The following SLC39A8 variants were observed in gnomAD, a reference collection of about 807,000 sequenced individuals.
The protein encoded by SLC39A8 is solute carrier family 39 member 8, also known as metal cation symporter ZIP8.
A neutral mutation model predicts 40.4 loss-of-function variants in SLC39A8; 15 were observed. That is an observed-to-expected ratio of 0.37 (90% CI 0.25 to 0.57). The LOEUF is 0.57. Ranked by LOEUF, SLC39A8 falls within the 20% of genes least tolerant of loss-of-function variation. SLC39A8 has a pLI of 0.75. For synonymous variants in SLC39A8, 223 were observed against 221.6 expected (o/e 1.01, Z -0.06); for missense variants, 472 against 558.8 (o/e 0.84, Z 1.57).
At position 102,344,733 on chromosome 4, in the gene SLC39A8, C is replaced by T; in HGVS notation, c.-71G>A. The T allele has an allele frequency of 7.3e-7, 1 of 1,366,530 alleles. No homozygotes were observed. Among genetic ancestry groups the T allele is most frequent in the South Asian group, 1.7e-5 (1 of 57,772 alleles). The allele number at this position is 1,366,530 out of a possible 1,614,324, so 84.7% of individuals were successfully genotyped here. On this transcript the variant is annotated 5_prime_UTR_variant, in exon 2 of 9. Coordinates refer to ENST00000356736, the MANE Select transcript of SLC39A8 (RefSeq NM_001135146.2). Reference sequence around the variant, plus strand: ...AGAGGGACGCGCGCGGGCGCACTGGCGTCCTTGCCCAAGGGCGGGAGCGTC... The same window carrying T: ...AGAGGGACGCGCGCGGGCGCACTGGTGTCCTTGCCCAAGGGCGGGAGCGTC...
chr4:102,339,324 G>GA (rs1281646921), intron 2 of SLC39A8, among the ~76,000 whole-genome samples: 316 of 141,416 alleles, frequency 2.2e-3, no homozygotes, highest in Admixed American at 3.0e-3. Context: ...ACATAAAGGG[G>GA]AAAAAAAAAA....
chr4:102,296,054 G>C (rs1432898140), intron 6 of SLC39A8, among the ~76,000 whole-genome samples: 3 of 152,094 alleles, frequency 2.0e-5, no homozygotes, highest in Non-Finnish European at 4.4e-5. Context: ...TCCATTAAGA[G>C]AGAGTAAATG....
rs527517527 is a variant in SLC39A8 at position 102,300,492 on chromosome 4, T to C, written c.840+3825A>G. Among the ~76,000 whole-genome samples the C allele has an allele frequency of 2.0e-5, 3 of 152,180 alleles. No homozygotes were observed. In the South Asian group the frequency reaches 6.2e-4, roughly 31 times the overall value. ...TACAGTTTAAGTATTCTATAACATG[T>C]CTTTGTTCTTTCTACATTTCAGCAA... is the stretch of plus-strand genomic sequence containing the variant. On this transcript the variant is annotated intron_variant, in intron 6 of 8. Coordinates refer to ENST00000356736, the MANE Select transcript of SLC39A8 (RefSeq NM_001135146.2).
intron 3 of SLC39A8, among the ~76,000 whole-genome samples, chr4:102,312,567 G>C (rs1329923612): frequency 6.6e-6 from 1 of 152,004 alleles, no homozygotes; most frequent in East Asian, 1.9e-4. Context: ...AGCAACTGGG[G>C]TTAAAAAATT....
chr4:102,342,306 G>C (rs1735976719), intron 2 of SLC39A8, among the ~76,000 whole-genome samples: 1 of 152,200 alleles, frequency 6.6e-6, no homozygotes, highest in South Asian at 2.1e-4. Context: ...TTTGAGACCA[G>C]ACTGACCAAC....
chr4:102,254,127 T>C (rs1353788875), intron 11 of SLC39A8, among the ~76,000 whole-genome samples: 1 of 152,186 alleles, frequency 6.6e-6, no homozygotes, highest in African/African-American at 2.4e-5. Flanking sequence ...AGTCAAATGT[T>C]TCCTCCTTTG....
intron 6 of SLC39A8, among the ~76,000 whole-genome samples, chr4:102,268,938 T>G (rs368247821): frequency 6.6e-6 from 1 of 152,226 alleles, no homozygotes; most frequent in African/African-American, 2.4e-5. Context: ...AAATTCATTT[T>G]TAAGTACAAA....
At chr4:102,342,641 T>A (rs1384604241) in intron 2 of SLC39A8, among the ~76,000 whole-genome samples, 1 of 152,210 alleles carries the variant, frequency 6.6e-6, no homozygotes, top group African/African-American at 2.4e-5. Context: ...TGAGGGCAGT[T>A]AAATATGCAA....
chr4:102,329,444 G>A (rs1278007630), intron 2 of SLC39A8, among the ~76,000 whole-genome samples: 1 of 151,862 alleles, frequency 6.6e-6, no homozygotes, highest in Non-Finnish European at 1.5e-5. Context: ...CCAATATGGT[G>A]AAACCCTGTC....
At chr4:102,290,779 C>T (rs1733399844) in intron 6 of SLC39A8, among the ~76,000 whole-genome samples, 2 of 152,040 alleles carry the variant, frequency 1.3e-5, no homozygotes, top group South Asian at 2.1e-4. Flanking sequence ...CTATTAAAAG[C>T]CTTTCCCACT....
chr4:102,252,016 T>C (rs463373), exon 12 of SLC39A8: 123,299 of 152,270 alleles, frequency 0.81, 50,828 homozygotes, highest in African/African-American at 0.95. Context: ...AGATTGCATG[T>C]AGCCTCCTAA....
chr4:102,274,120 G>A (rs995556842), intron 6 of SLC39A8, among the ~76,000 whole-genome samples: 5 of 152,106 alleles, frequency 3.3e-5, no homozygotes, highest in Admixed American at 3.3e-4. Context: ...GACAGAAGTA[G>A]GCTTCAGAAG....
chr4:102,316,055 C>T (rs893687260), intron 2 of SLC39A8, among the ~76,000 whole-genome samples: 1 of 152,034 alleles, frequency 6.6e-6, no homozygotes, highest in Non-Finnish European at 1.5e-5. Context: ...TAATCAACAG[C>T]TTTCCTACAG....
intron 3 of SLC39A8, among the ~76,000 whole-genome samples, chr4:102,310,517 A>G (rs1205069225): frequency 6.6e-6 from 1 of 152,144 alleles, no homozygotes; most frequent in Non-Finnish European, 1.5e-5. Flanking sequence ...ACTCTGTCAA[A>G]AAGAAATACC....
In SLC39A8 at chr4:102,270,190, C is replaced by T. The variant is rs72924833; in HGVS notation, c.841-2111G>A. On this transcript the variant is annotated intron_variant, in intron 6 of 8. Transcript: ENST00000356736. ...TTGTGATGACTTCAGAAGAAGACTA[C>T]AAAACCAAGTCTTGACTACCTGATA... is the stretch of plus-strand genomic sequence containing the variant. 9.1e-3 allele frequency among the ~76,000 whole-genome samples: 1,363 copies of T among 149,610 alleles called. 21 individuals are homozygous for T. Among genetic ancestry groups the T allele is most frequent in the African/African-American group, 0.032 (1,302 of 40,728 alleles).
downstream of SLC39A8, among the ~76,000 whole-genome samples, chr4:102,260,809 A>G (rs1283599173): frequency 6.6e-6 from 1 of 152,218 alleles, no homozygotes; most frequent in African/African-American, 2.4e-5. Context: ...AACTACCTCC[A>G]CAATGCTACC....
intron 2 of SLC39A8, 109 bp downstream of exon 2, chr4:102,344,335 T>C: frequency 1.3e-6 from 1 of 742,022 alleles, no homozygotes; most frequent in East Asian, 3.3e-5. Flanking sequence ...TTGAGAAATA[T>C]AACAAGATTC....
chr4:102,294,834 T>C (rs533448731), intron 6 of SLC39A8, among the ~76,000 whole-genome samples: 2 of 152,050 alleles, frequency 1.3e-5, no homozygotes, highest in African/African-American at 4.8e-5. Context: ...AAAACGCATA[T>C]GAAAAGATGC....
At chr4:102,303,425 G>C (rs1441637902) in intron 6 of SLC39A8, among the ~76,000 whole-genome samples, 2 of 151,944 alleles carry the variant, frequency 1.3e-5, no homozygotes, top group Non-Finnish European at 2.9e-5. Context: ...ACACTTGCCA[G>C]AGATTTTGGA....
Sources: gnomAD v4.1 joint callset for allele counts (sites outside exome capture counted in the v4.1 genomes callset) on GRCh38, gnomAD v4.1.1 for gene constraint, MANE v1.5 for transcripts, NCBI Gene and HGNC (gene_info 2026-07-23, HGNC 2026-07-21) for gene names.